DPP10: variants seen among roughly 807,000 people sequenced by gnomAD.
DPP10 encodes inactive dipeptidyl peptidase 10.
DPP10 carries 33 observed loss-of-function variants against 120.9 expected under a neutral mutation model. The observed-to-expected ratio is 0.27, with a 90% CI of 0.21 to 0.37. DPP10 has a LOEUF of 0.37. Among genes scored for constraint, DPP10 ranks in the 10% least tolerant of loss-of-function variants. The probability of loss-of-function intolerance (pLI) is 1.00; values close to 1 mark genes in which losing one functional copy is unlikely to be tolerated. For synonymous variants in DPP10, 337 were observed against 326.1 expected, an observed-to-expected ratio of 1.03 and a Z score of -0.36; for missense variants, 816 against 942.8, an observed-to-expected ratio of 0.87 and a Z score of 1.76.
At chr2:115,083,817 A>G (rs147924242) in intron 1 of DPP10, among the ~76,000 whole-genome samples, 91 of 152,328 alleles carry the variant, frequency 6.0e-4, no homozygotes, top group African/African-American at 2.0e-3. Flanking sequence ...ACAGCCAGCC[A>G]TTGCTATTGG....
chr2:115,125,895 T>C (rs1470851851), intron 1 of DPP10, among the ~76,000 whole-genome samples: 1 of 152,202 alleles, frequency 6.6e-6, no homozygotes, highest in Non-Finnish European at 1.5e-5. Flanking sequence ...AATACCTTTT[T>C]AAACATGTAT....
intron 4 of DPP10, among the ~76,000 whole-genome samples, chr2:115,503,789 G>A (rs1015185377): frequency 6.6e-6 from 1 of 152,062 alleles, no homozygotes; most frequent in Non-Finnish European, 1.5e-5. Flanking sequence ...TTGCTCCCAG[G>A]AGACATTTGT....
intron 1 of DPP10, among the ~76,000 whole-genome samples, chr2:114,957,964 G>A (rs978242941): frequency 1.3e-5 from 2 of 152,170 alleles, no homozygotes; most frequent in African/African-American, 4.8e-5. Context: ...TGGGAAAGGG[G>A]AGATGTAGAT....
At chr2:114,477,656 G>A (rs575557044) in intron 1 of DPP10, among the ~76,000 whole-genome samples, 2 of 151,084 alleles carry the variant, frequency 1.3e-5, no homozygotes, top group East Asian at 3.9e-4. Context: ...GTGGTGGTGC[G>A]CACCTGTAAT....
intron 13 of DPP10, among the ~76,000 whole-genome samples, chr2:115,770,538 T>C (rs1446494): frequency 0.013 from 1,967 of 151,858 alleles, 47 homozygotes; most frequent in African/African-American, 0.043. Context: ...TTTTGGCAAT[T>C]GATTAAAATT....
chr2:114,486,799 C>T (rs149394936), intron 1 of DPP10, among the ~76,000 whole-genome samples: 1 of 152,088 alleles, frequency 6.6e-6, no homozygotes, highest in African/African-American at 2.4e-5. Flanking sequence ...TGCTTTTCTT[C>T]AATTATAGTC....
chr2:115,572,041 A>G (rs879373539), intron 5 of DPP10, among the ~76,000 whole-genome samples: 75 of 152,298 alleles, frequency 4.9e-4, no homozygotes, highest in Non-Finnish European at 5.6e-4. Flanking sequence ...TAATTACAGT[A>G]TTGTATATTG....
intron 1 of DPP10, among the ~76,000 whole-genome samples, chr2:114,690,459 C>T (rs1051699149): frequency 4.0e-5 from 6 of 151,784 alleles, no homozygotes; most frequent in East Asian, 1.9e-4. Flanking sequence ...TTCTTGTACC[C>T]GTACCATGCT....
chr2:115,256,524 C>A (rs1262021912), intron 1 of DPP10, among the ~76,000 whole-genome samples: 1 of 152,138 alleles, frequency 6.6e-6, no homozygotes, highest in Non-Finnish European at 1.5e-5. Context: ...GAGTAGTGTT[C>A]CGAGGTAGTG....
chr2:114,689,241 C>A (rs1251586154), intron 1 of DPP10, among the ~76,000 whole-genome samples: 3 of 145,666 alleles, frequency 2.1e-5, no homozygotes, highest in Non-Finnish European at 3.0e-5. Flanking sequence ...CCCCTTACCA[C>A]CCTGCGACAG....
At chr2:114,685,260 C>T (rs1440350643) in intron 1 of DPP10, among the ~76,000 whole-genome samples, 2 of 151,928 alleles carry the variant, frequency 1.3e-5, no homozygotes, top group Non-Finnish European at 2.9e-5. Flanking sequence ...TCCCGTAACT[C>T]ATGAGAAAAA....
intron 1 of DPP10, among the ~76,000 whole-genome samples, chr2:114,622,318 G>A (rs1694154765): frequency 6.6e-6 from 1 of 151,716 alleles, no homozygotes; most frequent in African/African-American, 2.4e-5. Flanking sequence ...AGTATTGACT[G>A]TGTAAATCCA....
chr2:114,752,838 A>G (rs1679365589), intron 1 of DPP10, among the ~76,000 whole-genome samples: 2 of 152,344 alleles, frequency 1.3e-5, no homozygotes, highest in Non-Finnish European at 2.9e-5. Flanking sequence ...GGAAAGTAAA[A>G]TCATAGGTTT....
At chr2:115,284,812 G>C (rs2060299402) in intron 1 of DPP10, among the ~76,000 whole-genome samples, 1 of 151,966 alleles carries the variant, frequency 6.6e-6, no homozygotes, top group Non-Finnish European at 1.5e-5. Flanking sequence ...GTCCTTGTCA[G>C]ATGAATTTCT....
chr2:115,472,762 A>G (rs900871128), intron 3 of DPP10, among the ~76,000 whole-genome samples: 1 of 152,240 alleles, frequency 6.6e-6, no homozygotes, highest in African/African-American at 2.4e-5. Context: ...TATAGAAACA[A>G]TAAATGCTTA....
chr2:115,461,297 A>G (rs943240344), intron 3 of DPP10, among the ~76,000 whole-genome samples: 4 of 152,044 alleles, frequency 2.6e-5, no homozygotes, highest in African/African-American at 9.7e-5. Context: ...GATGGTGGTT[A>G]TATGCTTGTA....
intron 12 of DPP10, among the ~76,000 whole-genome samples, chr2:115,764,742 T>C (rs377131710): frequency 6.6e-6 from 1 of 152,144 alleles, no homozygotes. Context: ...CCATTGGTCG[T>C]TTATCACAGT....
chr2:115,424,327 T>G (rs2070258073), intron 3 of DPP10, among the ~76,000 whole-genome samples: 1 of 152,098 alleles, frequency 6.6e-6, no homozygotes. Flanking sequence ...CTTACTAATG[T>G]ACAGAACTTT....
intron 1 of DPP10, among the ~76,000 whole-genome samples, chr2:114,843,911 C>T (rs1688351861): frequency 6.6e-6 from 1 of 152,186 alleles, no homozygotes; most frequent in South Asian, 2.1e-4. Context: ...AAAAGCAAAC[C>T]TAATTTCACA....
Sources: allele counts gnomAD v4.1 joint callset (sites outside exome capture counted in the v4.1 genomes callset), GRCh38; gene constraint gnomAD v4.1.1; transcripts MANE v1.5; gene names NCBI Gene and HGNC (gene_info 2026-07-23, HGNC 2026-07-21).